ZMAT4: variants seen among roughly 807,000 people sequenced by gnomAD.
The protein encoded by ZMAT4 is zinc finger matrin-type 4.
In ZMAT4, 17 loss-of-function variants were observed where a neutral mutation model predicts 28.7. That is an observed-to-expected ratio of 0.59 (90% CI 0.41 to 0.89). The LOEUF is 0.89. Among genes scored for constraint, ZMAT4 ranks in the 40% least tolerant of loss-of-function variants. The pLI is 0.00. For missense variants in ZMAT4, 240 were observed against 283.8 expected (o/e 0.85, Z 1.11); for synonymous variants, 117 against 109.2 (o/e 1.07, Z -0.44).
At chr8:40,535,029 G>C (rs1273951637) in intron 6 of ZMAT4, among the ~76,000 whole-genome samples, 1 of 152,088 alleles carries the variant, frequency 6.6e-6, no homozygotes, top group Non-Finnish European at 1.5e-5. Context: ...TGTTAATAGG[G>C]ACTTTTCATG....
At chr8:40,666,762 A>G (rs540691745) in intron 5 of ZMAT4, among the ~76,000 whole-genome samples, 44 of 152,338 alleles carry the variant, frequency 2.9e-4, no homozygotes, top group African/African-American at 1.0e-3. Context: ...TTCAAACGAC[A>G]CAAGTTTGAA....
chr8:40,838,002 T>C (rs138018202), intron 1 of ZMAT4, among the ~76,000 whole-genome samples: 249 of 152,350 alleles, frequency 1.6e-3, no homozygotes, highest in African/African-American at 5.7e-3. Flanking sequence ...ACGGAGCAGA[T>C]GGCCCTGACC....
chr8:40,857,190 TTA>T (rs1309375554), intron 1 of ZMAT4, among the ~76,000 whole-genome samples: 1 of 151,902 alleles, frequency 6.6e-6, no homozygotes, highest in Non-Finnish European at 1.5e-5. Context: ...TAAGACTGGG[TTA>T]CAACTGTAGG....
chr8:40,667,161 TA>T (rs1272974639), intron 5 of ZMAT4, among the ~76,000 whole-genome samples: 2 of 152,040 alleles, frequency 1.3e-5, no homozygotes, highest in Non-Finnish European at 2.9e-5. Flanking sequence ...TTTTTATTTT[TA>T]TTTTTTTCTT....
chr8:40,713,921 C>CAAAAAAAAA (rs532317102), intron 3 of ZMAT4, among the ~76,000 whole-genome samples: 6 of 50,006 alleles, frequency 1.2e-4, no homozygotes, highest in Non-Finnish European at 2.1e-4. Context: ...AAAACAAAAC[C>CAAAAAAAAA]AAAAAAAAAA....
chr8:40,641,807 T>C (rs1395780444), intron 5 of ZMAT4, among the ~76,000 whole-genome samples: 1 of 152,226 alleles, frequency 6.6e-6, no homozygotes, highest in African/African-American at 2.4e-5. Flanking sequence ...CTCTGCCTAT[T>C]AGATCTCTAG....
In ZMAT4 at chr8:40,714,980, C is replaced by T. The variant is rs188927152; in HGVS notation, c.193-17579G>A. On this transcript the variant is annotated intron_variant, in intron 3 of 6. Transcript: ENST00000297737. ...AGGAGAATGGCTTGAACTCAGGAGTCGGAGGTTGCAGTGAGCCGAGATCGC... is the reference window on the plus strand; with the variant it reads ...AGGAGAATGGCTTGAACTCAGGAGTTGGAGGTTGCAGTGAGCCGAGATCGC... Among the ~76,000 whole-genome samples the T allele has an allele frequency of 1.7e-3, 232 of 137,372 alleles. 2 individuals are homozygous for T. The highest frequency in any genetic ancestry group is 6.0e-3 in the African/African-American group (216 of 36,184). 90.1% of individuals were successfully genotyped at this position (137,372 alleles called of 152,430 possible).
At chr8:40,723,802 C>A (rs367684424) in intron 3 of ZMAT4, among the ~76,000 whole-genome samples, 2 of 152,070 alleles carry the variant, frequency 1.3e-5, no homozygotes, top group Non-Finnish European at 2.9e-5. Context: ...GATTTTTGCC[C>A]TTTGTCTTGG....
chr8:40,862,733 A>G (rs1817547165), intron 1 of ZMAT4, among the ~76,000 whole-genome samples: 1 of 151,488 alleles, frequency 6.6e-6, no homozygotes, highest in Non-Finnish European at 1.5e-5. Context: ...AAAAAACCAA[A>G]CACCGCATGT....
At chr8:40,574,778 C>T (rs139243155) in intron 6 of ZMAT4, among the ~76,000 whole-genome samples, 211 of 152,250 alleles carry the variant, frequency 1.4e-3, no homozygotes, top group African/African-American at 4.7e-3. Context: ...CAGAAGTACC[C>T]TCGCCAGCCC....
intron 5 of ZMAT4, among the ~76,000 whole-genome samples, chr8:40,649,225 G>A (rs1429869430): frequency 6.6e-6 from 1 of 152,092 alleles, no homozygotes; most frequent in Non-Finnish European, 1.5e-5. Context: ...AAGGGATGGA[G>A]GAAGATCTAC....
At chr8:40,535,137 C>T (rs528967696) in intron 6 of ZMAT4, among the ~76,000 whole-genome samples, 55 of 152,130 alleles carry the variant, frequency 3.6e-4, no homozygotes, top group Non-Finnish European at 6.8e-4. Flanking sequence ...TGTGGCGCGA[C>T]ATAGAACTTC....
intron 1 of ZMAT4, among the ~76,000 whole-genome samples, chr8:40,892,801 T>A (rs1195719840): frequency 6.6e-6 from 1 of 152,220 alleles, no homozygotes; most frequent in South Asian, 2.1e-4. Context: ...AGGTGGCAGC[T>A]GGTGCAGGGC....
At chr8:40,550,875 C>T (rs1364877953) in intron 6 of ZMAT4, among the ~76,000 whole-genome samples, 4 of 152,110 alleles carry the variant, frequency 2.6e-5, no homozygotes, top group African/African-American at 7.2e-5. Flanking sequence ...ACTTTTTAGT[C>T]GACAGGTTTC....
intron 3 of ZMAT4, among the ~76,000 whole-genome samples, chr8:40,749,200 C>G (rs1304287163): frequency 2.6e-5 from 4 of 152,054 alleles, no homozygotes; most frequent in Non-Finnish European, 5.9e-5. Flanking sequence ...TGAGAACAGA[C>G]TAATACACTA....
chr8:40,707,221 C>G (rs531202505), intron 3 of ZMAT4, among the ~76,000 whole-genome samples: 6 of 97,002 alleles, frequency 6.2e-5, no homozygotes, highest in African/African-American at 1.1e-4. Flanking sequence ...CCTGCCCCCC[C>G]ACCCCCCCAC....
chr8:40,684,421 A>T (rs1258553682), intron 4 of ZMAT4, among the ~76,000 whole-genome samples: 1 of 152,154 alleles, frequency 6.6e-6, no homozygotes, highest in Non-Finnish European at 1.5e-5. Context: ...CCCAATGCCC[A>T]CTGCAGGTGC....
intron 1 of ZMAT4, among the ~76,000 whole-genome samples, chr8:40,889,022 A>C (rs1400034785): frequency 6.6e-6 from 1 of 152,216 alleles, no homozygotes; most frequent in Admixed American, 6.5e-5. Context: ...TCTTGTTTTC[A>C]TACCTAACAA....
In ZMAT4 at chr8:40,815,431, A is replaced by G. The variant is rs1395466220; in HGVS notation, c.102+10144T>C. ...TCAAAAAACAGAGTCAAGGGTCTAC[A>G]CTGAGCTGCCACTCAAAAGAGGAAT... On this transcript the variant is annotated intron_variant, in intron 2 of 6. Transcript: ENST00000297737. 2.0e-5 allele frequency among the ~76,000 whole-genome samples: 3 copies of G among 152,222 alleles called. No homozygotes were observed. In the East Asian group the frequency reaches 5.8e-4, roughly 29 times the overall value.
Sources: gnomAD v4.1 joint callset for allele counts (sites outside exome capture counted in the v4.1 genomes callset) on GRCh38, gnomAD v4.1.1 for gene constraint, MANE v1.5 for transcripts, NCBI Gene and HGNC (gene_info 2026-07-23, HGNC 2026-07-21) for gene names.